GAD2: variants seen among roughly 807,000 people sequenced by gnomAD.
The protein encoded by GAD2 is 65 kDa glutamic acid decarboxylase.
GAD2 carries 22 observed loss-of-function variants against 80.1 expected under a neutral mutation model. The ratio of observed to expected loss-of-function variants is 0.27; its 90% CI spans 0.20 to 0.39. GAD2 has a LOEUF of 0.39. GAD2 is among the 10% of genes least tolerant of loss of function. GAD2 has a pLI of 1.00. For synonymous variants in GAD2, 274 were observed against 256.9 expected, an observed-to-expected ratio of 1.07 and a Z score of -0.64; for missense variants, 624 against 738.4, an observed-to-expected ratio of 0.85 and a Z score of 1.80.
rs141838420 is a variant in GAD2, at chr10:26,217,253, G to T, written c.77-357G>T. ...TAGAAAAAAAAAATGGGAAAGGTGA[G>T]AGATTTCTTTATCTAGAAAGACAGT... is the stretch of plus-strand genomic sequence containing the variant. On this transcript the variant is annotated intron_variant, in intron 1 of 15. Coordinates refer to ENST00000376261, the MANE Select transcript of GAD2 (RefSeq NM_001134366.2). This position sits in a 1 kb window ranked among gnomAD's most constrained non-coding sequence, Gnocchi z 4.9. Among the ~76,000 whole-genome samples, 357 of 152,188 alleles carry T rather than the reference G, an allele frequency of 2.3e-3. 4 individuals are homozygous for T. The highest frequency in any genetic ancestry group is 7.4e-3 in the African/African-American group (309 of 41,490).
At chr10:26,225,130 C>T (rs901679200) in intron 6 of GAD2, among the ~76,000 whole-genome samples, 3 of 152,330 alleles carry the variant, frequency 2.0e-5, no homozygotes, top group Admixed American at 1.3e-4. Context: ...AGTGGATTTA[C>T]ACTAATTTCA....
chr10:26,218,089 C>A, intron 3 of GAD2, 98 bp downstream of exon 3: 1 of 1,297,194 alleles, frequency 7.7e-7, no homozygotes, highest in Non-Finnish European at 1.0e-6. Context: ...CGGACAGGGG[C>A]GTCGAGGTGG....
At position 26,220,181 on chromosome 10, in the gene GAD2, C is replaced by T. The variant is rs8190606; in HGVS notation, c.520+905C>T. The stretch of plus-strand genomic sequence containing the variant: ...ATACACGATGGCTGACACTTCATTA[C>T]GGCAATAAAAATAAGTATGAATGAA... On this transcript the variant is annotated intron_variant, in intron 4 of 15. Coordinates refer to ENST00000376261, the MANE Select transcript of GAD2 (RefSeq NM_001134366.2). Among the ~76,000 whole-genome samples, 834 of 152,158 alleles carry T rather than the reference C, an allele frequency of 5.5e-3. 1 individual carries two copies. The highest frequency in any genetic ancestry group is 8.4e-3 in the Non-Finnish European group (573 of 68,004).
rs77441313 is a variant in GAD2, at chr10:26,252,258, G to A, written c.920+6258G>A. The stretch of plus-strand genomic sequence containing the variant: ...TGAAGGTTCACAACTGAGAAGAAAT[G>A]TCCCAGTGAAAGAGAATAGTCTGTG... On this transcript the variant is annotated intron_variant, in intron 8 of 15. Coordinates refer to ENST00000376261, the MANE Select transcript of GAD2 (RefSeq NM_001134366.2). Among the ~76,000 whole-genome samples, 9 of 152,326 alleles carry A rather than the reference G, an allele frequency of 5.9e-5. No homozygotes were observed. The East Asian group carries it at 1.7e-3, about 29-fold the overall frequency.
intron 7 of GAD2, among the ~76,000 whole-genome samples, chr10:26,230,623 C>G (rs1407230192): frequency 6.6e-6 from 1 of 152,050 alleles, no homozygotes; most frequent in Admixed American, 6.5e-5. Flanking sequence ...TTTATAGAGA[C>G]AGGGTCTTGC....
chr10:26,298,445 T>A (rs1181617195), intron 15 of GAD2, among the ~76,000 whole-genome samples: 1 of 152,196 alleles, frequency 6.6e-6, no homozygotes, highest in Non-Finnish European at 1.5e-5. Context: ...TTCTGCCAAT[T>A]CAGCTTGCTT....
chr10:26,298,228 C>T (rs1227438188), intron 15 of GAD2, among the ~76,000 whole-genome samples: 1 of 152,190 alleles, frequency 6.6e-6, no homozygotes, highest in Non-Finnish European at 1.5e-5. Context: ...AGGCCTTGAA[C>T]CCTGGACCCA....
chr10:26,293,931 A>C (rs1834246385), intron 15 of GAD2, among the ~76,000 whole-genome samples: 9 of 152,250 alleles, frequency 5.9e-5, no homozygotes. Context: ...TGTAACTCCC[A>C]AAATCTCGCA....
In GAD2 at chr10:26,217,951, C is replaced by T; in HGVS notation, c.246C>T (p.Cys82=). 1 of 1,611,848 alleles carries T rather than the reference C, an allele frequency of 6.2e-7. No homozygotes were observed. Among genetic ancestry groups the T allele is most frequent in the Non-Finnish European group, 8.5e-7 (1 of 1,179,160 alleles). Residue 82 remains cysteine, a synonymous_variant, in exon 3 of 16, where the codon TGC becomes TGT. Coordinates refer to ENST00000376261, the MANE Select transcript of GAD2 (RefSeq NM_001134366.2). This position sits in a 1 kb window ranked among gnomAD's most constrained non-coding sequence, Gnocchi z 4.9. ...ACACDQKPCS[C]SKVDVNYAFL... The stretch of plus-strand genomic sequence containing the variant: ...CCTGCGACCAGAAGCCCTGCAGCTG[C>T]TCCAAAGTGGATGTCAACTACGCGT...
rs536639357 is a variant in GAD2, at chr10:26,222,148, A to G, written c.521-1739A>G. On this transcript the variant is annotated intron_variant, in intron 4 of 15. Transcript: ENST00000376261. ...TGAAATGGCAGAGCAAGGTCAAAAT[A>G]TATATAGGGAGGAAGGGAAACCTAG... Among the ~76,000 whole-genome samples, 9 of 152,256 alleles carry G rather than the reference A, an allele frequency of 5.9e-5. No individual in the cohort carries two copies. The East Asian group carries it at 1.7e-3, about 29-fold the overall frequency.
chr10:26,284,084 TGAG>T lies in GAD2; in HGVS notation c.1237-2255_1237-2253del, dbSNP rs778988995. ...AAGGGTGTAGAAATGATTCCTTTAT[TGAG>T]GAGGAATAGAGTAAACGAGCTCTAA... On this transcript the variant is annotated intron_variant, in intron 12 of 15. Coordinates refer to ENST00000376261, the MANE Select transcript of GAD2 (RefSeq NM_001134366.2). 5.9e-5 allele frequency among the ~76,000 whole-genome samples: 9 copies of T among 152,310 alleles called. No homozygotes were observed. In the East Asian group the frequency reaches 1.7e-3, roughly 29 times the overall value.
chr10:26,269,225 C>A, intron 9 of GAD2, 52 bp downstream of exon 9: 1 of 1,428,972 alleles, frequency 7.0e-7, no homozygotes, highest in Non-Finnish European at 9.6e-7. Context: ...TTCCATCCAC[C>A]GGAGAACAAA....
intron 7 of GAD2, among the ~76,000 whole-genome samples, chr10:26,244,410 T>G (rs1318272271): frequency 1.3e-5 from 2 of 152,170 alleles, no homozygotes; most frequent in Non-Finnish European, 1.5e-5. Flanking sequence ...GAAAGCAGAG[T>G]CTTGAAGAGG....
intron 8 of GAD2, among the ~76,000 whole-genome samples, chr10:26,265,753 G>A (rs912813443): frequency 6.6e-6 from 1 of 152,188 alleles, no homozygotes; most frequent in Non-Finnish European, 1.5e-5. Context: ...AAAGAGTATG[G>A]AACAGTCGCC....
intron 13 of GAD2, among the ~76,000 whole-genome samples, chr10:26,288,866 A>T (rs956797983): frequency 2.6e-5 from 4 of 152,160 alleles, no homozygotes; most frequent in Admixed American, 2.6e-4. Flanking sequence ...GAGAAATAAT[A>T]TGGAGGGCAT....
chr10:26,252,659 C>T (rs1844893596), intron 8 of GAD2, among the ~76,000 whole-genome samples: 2 of 151,134 alleles, frequency 1.3e-5, no homozygotes, highest in Admixed American at 1.3e-4. Flanking sequence ...CCCGGTACCC[C>T]TTCTTTTTTT....
chr10:26,261,614 G>A (rs1229986053), intron 8 of GAD2, among the ~76,000 whole-genome samples: 2 of 152,126 alleles, frequency 1.3e-5, no homozygotes, highest in African/African-American at 4.8e-5. Context: ...TCTTTAAGAA[G>A]AATGTTCTTG....
intron 7 of GAD2, among the ~76,000 whole-genome samples, chr10:26,233,685 C>T (rs1272743073): frequency 6.6e-6 from 1 of 152,208 alleles, no homozygotes; most frequent in Non-Finnish European, 1.5e-5. Flanking sequence ...CTGTCTCCAC[C>T]AGCTCCAGAA....
intron 10 of GAD2, among the ~76,000 whole-genome samples, chr10:26,271,494 TAAAG>T (rs1428200825): frequency 6.6e-6 from 1 of 152,198 alleles, no homozygotes; most frequent in Non-Finnish European, 1.5e-5. Flanking sequence ...CCATATGAGA[TAAAG>T]AGTTTGTGCC....
Sources: allele counts gnomAD v4.1 joint callset (sites outside exome capture counted in the v4.1 genomes callset), GRCh38; gene constraint gnomAD v4.1.1; non-coding constraint Gnocchi (gnomAD v3.1); transcripts MANE v1.5; gene names NCBI Gene and HGNC (gene_info 2026-07-23, HGNC 2026-07-21).